CLDN19: variants seen among roughly 807,000 people sequenced by gnomAD.
CLDN19 encodes claudin 19, also known as claudin-19.
In CLDN19, 19 loss-of-function variants were observed where a neutral mutation model predicts 24.5. That is an observed-to-expected ratio of 0.78 (90% confidence interval 0.54 to 1.14). The LOEUF is 1.14. Among genes scored for constraint, CLDN19 ranks in the 50% most tolerant of loss-of-function variants. The probability of loss-of-function intolerance (pLI) is 0.00; values close to 1 mark genes in which losing one functional copy is unlikely to be tolerated. For synonymous variants in CLDN19, 117 were observed against 129.6 expected, an observed-to-expected ratio of 0.90 and a Z score of 0.66; for missense variants, 250 against 295.9, an observed-to-expected ratio of 0.84 and a Z score of 1.14.
intron 3 of CLDN19, among the ~76,000 whole-genome samples, chr1:42,737,053 C>T (rs1651396320): frequency 6.6e-6 from 1 of 152,196 alleles, no homozygotes; most frequent in Admixed American, 6.5e-5. Flanking sequence ...ACCCCAAGGC[C>T]CAAAGCCCAT....
chr1:42,737,336 C>A (rs557757745), intron 3 of CLDN19, among the ~76,000 whole-genome samples: 8 of 152,350 alleles, frequency 5.3e-5, no homozygotes, highest in African/African-American at 1.9e-4. Context: ...AGAAGGACTG[C>A]CGCTGCCTCC....
intron 4 of CLDN19, 86 bp from the exon 5 acceptor site, chr1:42,735,220 T>C: frequency 6.3e-7 from 1 of 1,593,462 alleles, no homozygotes; most frequent in Non-Finnish European, 8.5e-7. Flanking sequence ...CGGACATGGG[T>C]ACTGGCCAGC....
rs867223625 is a variant in CLDN19, at chr1:42,739,963, G to A, written c.101C>T (p.Ser34Phe). 1.2e-6 allele frequency: 2 copies of A among 1,601,974 alleles called. No homozygotes were observed. The highest frequency in any genetic ancestry group is 1.7e-5 in the Admixed American group (1 of 58,444). The part of the protein sequence containing the change: ...STALPQWKQS[S>F]YAGDAIITAV... ...AGTGATGATGGCGTCGCCTGCGTAG[G>A]AAGACTGCTTCCACTGTGGCAGGGC... The change falls in exon 1 of 5, where the codon TCC (serine) becomes TTC (phenylalanine). Residue 34 changes from serine to phenylalanine, a missense_variant. By Grantham distance (155) the Ser-to-Phe change is radical. Coordinates refer to ENST00000296387, the MANE Select transcript of CLDN19 (RefSeq NM_148960.3).
intron 4 of CLDN19, 170 bp downstream of exon 4, chr1:42,735,708 G>A: frequency 1.4e-6 from 2 of 1,457,866 alleles, no homozygotes; most frequent in Non-Finnish European, 1.8e-6. Flanking sequence ...CTGAGGATCT[G>A]GGTCTCAGAT....
intron 3 of CLDN19, among the ~76,000 whole-genome samples, chr1:42,736,738 C>T (rs1284960309): frequency 6.6e-6 from 1 of 152,234 alleles, no homozygotes; most frequent in Non-Finnish European, 1.5e-5. Flanking sequence ...GCCTCAGCCC[C>T]TTGCTTGTCC....
intron 3 of CLDN19, among the ~76,000 whole-genome samples, chr1:42,737,098 G>A (rs565777467): frequency 3.0e-4 from 45 of 152,318 alleles, no homozygotes; most frequent in Non-Finnish European, 5.4e-4. Context: ...CCCATTCTCT[G>A]CTCCTGGCTA....
chr1:42,735,855 G>A, intron 4 of CLDN19, 23 bp downstream of exon 4: 1 of 1,567,186 alleles, frequency 6.4e-7, no homozygotes, highest in Non-Finnish European at 8.7e-7. Context: ...GGGCTGGCCA[G>A]GGCAGGCGGA....
chr1:42,735,786 G>T (rs1284992714), intron 4 of CLDN19, 92 bp downstream of exon 4: 10 of 1,540,746 alleles, frequency 6.5e-6, no homozygotes. Flanking sequence ...TGCCCCAGTG[G>T]CCCTGCCCAG....
intron 3 of CLDN19, among the ~76,000 whole-genome samples, chr1:42,736,991 A>G (rs1651394602): frequency 6.6e-6 from 1 of 152,116 alleles, no homozygotes; most frequent in Non-Finnish European, 1.5e-5. Context: ...TGCCTCCTCC[A>G]GGCATCCCTC....
At chr1:42,738,761 C>G (rs1651456491) in intron 1 of CLDN19, among the ~76,000 whole-genome samples, 176 bp from the exon 2 acceptor site, 1 of 151,864 alleles carries the variant, frequency 6.6e-6, no homozygotes, top group Admixed American at 6.5e-5. Context: ...GGCATGAGGA[C>G]AGGGTGTGGG....
rs1651364662 is a variant in CLDN19, at chr1:42,736,155, T to C, written c.474-125A>G. 5 of 637,390 alleles carry C rather than the reference T, an allele frequency of 7.8e-6. No homozygotes were observed. The Admixed American group carries it at 1.4e-4, about 18-fold the overall frequency. 39.5% of individuals were successfully genotyped at this position (637,390 alleles called of 1,614,324 possible). On this transcript the variant is annotated intron_variant, in intron 3 of 4. Transcript: ENST00000296387. ...GGCTGGAGCCTCACAACCTCTTCCATATCTCCAGATAAATTGAGGTGAATG... is the reference window on the plus strand; with the variant it reads ...GGCTGGAGCCTCACAACCTCTTCCACATCTCCAGATAAATTGAGGTGAATG...
chr1:42,735,952 G>T lies in CLDN19; in HGVS notation c.552C>A (p.Cys184Ter). The T allele has an allele frequency of 6.3e-7, 1 of 1,577,736 alleles. No homozygotes were observed. Among genetic ancestry groups the T allele is most frequent in the Non-Finnish European group, 8.6e-7 (1 of 1,161,944 alleles). The change falls in exon 4 of 5, where the codon TGC becomes TGA. Residue 184 changes from cysteine (C) to a stop codon, truncating the protein, a stop_gained. Transcript: ENST00000296387. LOFTEE classifies it high-confidence loss of function. ...TGGGTCTCTCTGGCTCCGGGCATGT[G>T]CAGCAGAGGAAGGAGCCGCCCAGCA... ...LAVLGGSFLC[C>*]TCPEPERPNS... is the part of the protein sequence containing the mutation.
chr1:42,739,234 G>T (rs566103384), intron 1 of CLDN19, among the ~76,000 whole-genome samples: 4 of 152,306 alleles, frequency 2.6e-5, no homozygotes, highest in South Asian at 4.1e-4. Context: ...GTCCCTGGGG[G>T]CTCCTGGGCA....
chr1:42,739,843 T>C lies in CLDN19; in HGVS notation c.221A>G (p.Asp74Gly). 3 of 1,612,650 alleles carry C rather than the reference T, an allele frequency of 1.9e-6. No homozygotes were observed. In the African/African-American group the frequency reaches 4.0e-5, roughly 21 times the overall value. The change falls in exon 1 of 5, where the codon GAC becomes GGC. Residue 74 changes from aspartate to glycine, a missense_variant and splice_region_variant. Coordinates refer to ENST00000296387, the MANE Select transcript of CLDN19 (RefSeq NM_148960.3). Reference sequence around the variant, plus strand: ...CACCCCGCCGGCCTGGGGCCTACCGTCCAGGGCGAGCAGCGAGTCGTAGAG... The same window carrying C: ...CACCCCGCCGGCCTGGGGCCTACCGCCCAGGGCGAGCAGCGAGTCGTAGAG... The part of the protein sequence containing the change: ...CKLYDSLLAL[D>G]GHIQSARALM...
In CLDN19 at chr1:42,736,018, G is replaced by T. The variant is rs962614350; in HGVS notation, c.486C>A (p.Gly162=). 2 of 1,574,946 alleles carry T rather than the reference G, an allele frequency of 1.3e-6. No homozygotes were observed. Among genetic ancestry groups the T allele is most frequent in the Non-Finnish European group, 1.7e-6 (2 of 1,161,468 alleles). Residue 162 remains glycine, a synonymous_variant, in exon 4 of 5, where the codon GGC becomes GGA. Transcript: ENST00000296387. ...AGGCCCAGCCCACGAACAGGGCTGG[G>T]CCAAATTCATACCTGCAAGGGGTAG... The part of the protein sequence containing the change: ...STPVNARYEF[G]PALFVGWASA...
Position 42,738,515 on chromosome 1 carries a change from G to T in CLDN19, c.294C>A (p.Ser98Arg), listed in dbSNP as rs756289810. 1.8e-5 allele frequency: 29 copies of T among 1,613,910 alleles called. No homozygotes were observed. The highest frequency in any genetic ancestry group is 2.1e-5 in the Non-Finnish European group (25 of 1,180,034). ...VLLGFVAMVL[S>R]VVGMKCTRVG... ...CCCGCGTACACTTCATGCCAACTAC[G>T]CTGAGGACCATGGCCACGAAGCCCA... Residue 98 changes from serine (S) to arginine (R), a missense_variant, in exon 2 of 5, where the codon AGC becomes AGA. Physicochemically the swap from Ser to Arg is moderately radical, Grantham distance 110. Transcript: ENST00000296387.
At chr1:42,738,795 A>C (rs1036673509) in intron 1 of CLDN19, among the ~76,000 whole-genome samples, 13 of 152,078 alleles carry the variant, frequency 8.5e-5, no homozygotes, top group African/African-American at 1.4e-4. Context: ...TTCACTGTCA[A>C]CGCCATTCTC....
chr1:42,735,307 A>G, intron 4 of CLDN19, 173 bp from the exon 5 acceptor site: 2 of 1,498,932 alleles, frequency 1.3e-6, no homozygotes, highest in Non-Finnish European at 1.8e-6. Context: ...GTCCGACCTC[A>G]CCATCTGTGT....
chr1:42,734,171 C>G lies in CLDN19; in HGVS notation c.*915G>C, dbSNP rs148594631. On this transcript the variant is annotated 3_prime_UTR_variant, in exon 5 of 5. Transcript: ENST00000296387. ...GTTCAGGGAGATGTAGGACAAAGGACTCTGGCCTTGGGACTGATCTGGGCT... is the reference window on the plus strand; with the variant it reads ...GTTCAGGGAGATGTAGGACAAAGGAGTCTGGCCTTGGGACTGATCTGGGCT... 6.6e-6 allele frequency: 1 copy of G among 152,516 alleles called. No homozygotes were observed. Among genetic ancestry groups the G allele is most frequent in the Non-Finnish European group, 1.5e-5 (1 of 68,196 alleles). 9.4% of individuals were successfully genotyped at this position (152,516 alleles called of 1,614,324 possible). A position where few individuals can be genotyped will look rare whatever the true frequency, so the allele number is the denominator to read the frequency against.
Sources: gnomAD v4.1 joint callset for allele counts (sites outside exome capture counted in the v4.1 genomes callset) on GRCh38, gnomAD v4.1.1 for gene constraint, MANE v1.5 for transcripts, NCBI Gene and HGNC (gene_info 2026-07-23, HGNC 2026-07-21) for gene names.